ZNF254: variants seen among roughly 807,000 people sequenced by gnomAD.
ZNF254 encodes the protein CTD-2017D11.1.
Under a neutral mutation model 12.4 loss-of-function variants are expected in ZNF254, and 10 were observed. The observed-to-expected ratio is 0.80, with a 90% CI of 0.50 to 1.36. ZNF254 has a LOEUF of 1.36. Ranked by LOEUF, ZNF254 falls within the 40% of genes most tolerant of loss-of-function variation. The pLI is 0.00. For synonymous variants in ZNF254, 305 were observed against 253.4 expected (o/e 1.20, Z -1.93); for missense variants, 996 against 763.9 (o/e 1.30, Z -3.58).
At chr19:24,093,988 T>G (rs1458551043) in intron 1 of ZNF254, among the ~76,000 whole-genome samples, 1 of 152,174 alleles carries the variant, frequency 6.6e-6, no homozygotes, top group Non-Finnish European at 1.5e-5. Flanking sequence ...TATAGAGATC[T>G]TTCACCTTCC....
intron 1 of ZNF254, among the ~76,000 whole-genome samples, chr19:24,042,077 C>T (rs1481532784): frequency 4.6e-5 from 6 of 130,488 alleles, no homozygotes; most frequent in African/African-American, 1.5e-4. Flanking sequence ...ATACACCAAT[C>T]GGCACTCTGT....
rs537805414 is a variant in ZNF254, at chr19:24,114,238, G to T, written c.253+7595G>T. Among the ~76,000 whole-genome samples the T allele has an allele frequency of 2.0e-5, 3 of 152,090 alleles. No homozygotes were observed. In the South Asian group the frequency reaches 6.2e-4, roughly 32 times the overall value. On this transcript the variant is annotated intron_variant, in intron 3 of 3. Coordinates refer to ENST00000357002, the MANE Select transcript of ZNF254 (RefSeq NM_203282.4). ...TCGCCAAGTCACTCCTAAGCCAAAA[G>T]AACAAAGCTGGAGGCATCATGCTAC...
chr19:24,096,777 T>C (rs1050058231), intron 1 of ZNF254, among the ~76,000 whole-genome samples: 1 of 152,212 alleles, frequency 6.6e-6, no homozygotes, highest in African/African-American at 2.4e-5. Context: ...CCCACTGTTA[T>C]TGTGTCATAA....
chr19:24,077,030 C>G (rs1336545249), intron 2 of ZNF254, among the ~76,000 whole-genome samples: 1 of 152,192 alleles, frequency 6.6e-6, no homozygotes, highest in Non-Finnish European at 1.5e-5. Flanking sequence ...CTCTGAGGCT[C>G]ACCTGAGACA....
Position 24,127,245 on chromosome 19 carries a change from T to C in ZNF254, c.1245T>C (p.Phe415=). 6.2e-7 allele frequency: 1 copy of C among 1,613,208 alleles called. No homozygotes were observed. Among genetic ancestry groups the C allele is most frequent in the Non-Finnish European group, 8.5e-7 (1 of 1,179,672 alleles). Residue 415 remains phenylalanine (F), a synonymous_variant, in exon 4 of 4, where the codon TTT becomes TTC. Transcript: ENST00000357002. ...AATGTGAAGAATGCGGCAAAGGTTT[T>C]AATCGATCTTCAAATCTTACTACAC... The part of the protein sequence containing the change: ...LYKCEECGKG[F]NRSSNLTTHK...
intron 1 of ZNF254, among the ~76,000 whole-genome samples, chr19:24,035,149 A>C (rs1969918289): frequency 6.6e-6 from 1 of 152,052 alleles, no homozygotes; most frequent in African/African-American, 2.4e-5. Context: ...CCCAGAAGTC[A>C]GCCTGGTTTT....
At chr19:24,096,659 A>T (rs1313033053) in intron 1 of ZNF254, among the ~76,000 whole-genome samples, 1 of 152,204 alleles carries the variant, frequency 6.6e-6, no homozygotes, top group African/African-American at 2.4e-5. Flanking sequence ...AGACTTCTGT[A>T]GATGTCTATT....
At chr19:24,075,097 A>C (rs1971611589) in intron 2 of ZNF254, among the ~76,000 whole-genome samples, 1 of 152,154 alleles carries the variant, frequency 6.6e-6, no homozygotes, top group African/African-American at 2.4e-5. Context: ...GGTATTATGA[A>C]ATATCATTTT....
intron 3 of ZNF254, among the ~76,000 whole-genome samples, chr19:24,116,789 C>T (rs1052757204): frequency 4.6e-5 from 7 of 152,060 alleles, no homozygotes; most frequent in African/African-American, 1.7e-4. Flanking sequence ...TTAGAGTTTC[C>T]AGTTTTTCTG....
intron 2 of ZNF254, among the ~76,000 whole-genome samples, chr19:24,053,493 G>T (rs1168826888): frequency 6.6e-6 from 1 of 151,958 alleles, no homozygotes; most frequent in Non-Finnish European, 1.5e-5. Flanking sequence ...CAGCATTTAG[G>T]TGATGTGAGT....
At chr19:24,064,294 T>C (rs550593657) in intron 2 of ZNF254, among the ~76,000 whole-genome samples, 1 of 152,194 alleles carries the variant, frequency 6.6e-6, no homozygotes, top group Admixed American at 6.5e-5. Flanking sequence ...ACAAAGGACA[T>C]TGTGACGTAT....
intron 3 of ZNF254, among the ~76,000 whole-genome samples, chr19:24,110,063 CTAAG>C (rs1202623329): frequency 5.9e-5 from 9 of 152,062 alleles, no homozygotes; most frequent in African/African-American, 1.9e-4. Flanking sequence ...TTTATCTTGT[CTAAG>C]TGAGTAGCCT....
chr19:24,066,293 G>A (rs1435918165), intron 2 of ZNF254: 4 of 152,178 alleles, frequency 2.6e-5, no homozygotes, highest in African/African-American at 9.7e-5. Flanking sequence ...CCAGCATCCA[G>A]ATGATGTGAC....
chr19:24,122,991 T>C (rs1203824382), intron 3 of ZNF254, among the ~76,000 whole-genome samples: 2 of 151,902 alleles, frequency 1.3e-5, no homozygotes, highest in Admixed American at 6.6e-5. Context: ...GTTCCTTTTA[T>C]TTTTTGAAGA....
intron 3 of ZNF254, among the ~76,000 whole-genome samples, chr19:24,124,226 G>T (rs527622088): frequency 6.6e-6 from 1 of 151,636 alleles, no homozygotes; most frequent in Admixed American, 6.6e-5. Flanking sequence ...CTTAAGTTGC[G>T]TACAAAAATT....
At chr19:24,067,465 G>C (rs765670017) in intron 2 of ZNF254, among the ~76,000 whole-genome samples, 10 of 150,994 alleles carry the variant, frequency 6.6e-5, no homozygotes, top group Admixed American at 2.0e-4. Context: ...GCACATATCT[G>C]ATGTGACTCT....
intron 1 of ZNF254, among the ~76,000 whole-genome samples, chr19:24,090,679 C>T (rs1294860737): frequency 6.6e-6 from 1 of 152,140 alleles, no homozygotes; most frequent in Admixed American, 6.6e-5. Flanking sequence ...TCAAGTGACT[C>T]ACCTGCCTGA....
chr19:24,034,403 G>C (rs2145143797), intron 1 of ZNF254, among the ~76,000 whole-genome samples: 1 of 152,084 alleles, frequency 6.6e-6, no homozygotes, highest in East Asian at 1.9e-4. Flanking sequence ...ATGGGGTTGG[G>C]AGGCTTTTTC....
Position 24,049,184 on chromosome 19 carries a change from TTATATATATATA to T in ZNF254, c.-94+2925_-94+2936del, listed in dbSNP as rs1159690517. The stretch of plus-strand genomic sequence containing the variant: ...TTGCTATGTTTTTCAGGCTCTGGTT[TTATATATATATA>T]TATATATATATATATATATTTTTTT... On this transcript the variant is annotated intron_variant, in intron 2 of 4. Coordinates refer to the ZNF254 transcript ENST00000613065. 2.0e-3 allele frequency among the ~76,000 whole-genome samples: 127 copies of T among 63,156 alleles called. 1 individual carries two copies. Among genetic ancestry groups the T allele is most frequent in the Non-Finnish European group, 2.4e-3 (88 of 37,180 alleles). The allele number at this position is 63,156 out of a possible 152,430, so 41.4% of individuals were successfully genotyped here.
Sources: allele counts gnomAD v4.1 joint callset (sites outside exome capture counted in the v4.1 genomes callset), GRCh38; gene constraint gnomAD v4.1.1; transcripts MANE v1.5; gene names NCBI Gene and HGNC (gene_info 2026-07-23, HGNC 2026-07-21).